Variants in ERC1 observed in about 807,000 individuals in gnomAD.
The protein encoded by ERC1 is RAB6 interacting protein 2.
Under a neutral mutation model 132.0 loss-of-function variants are expected in ERC1, and 56 were observed. The ratio of observed to expected loss-of-function variants is 0.42; its 90% CI spans 0.34 to 0.53. The LOEUF is 0.53. Ranked by LOEUF, ERC1 falls within the 20% of genes least tolerant of loss-of-function variation. The pLI is 0.03. For synonymous variants in ERC1, 478 were observed against 476.1 expected, an observed-to-expected ratio of 1.00 and a Z score of -0.05; for missense variants, 1,202 against 1,349.9, an observed-to-expected ratio of 0.89 and a Z score of 1.72.
intron 16 of ERC1, among the ~76,000 whole-genome samples, chr12:1,399,866 G>T (rs1193122573): frequency 6.6e-6 from 1 of 152,052 alleles, no homozygotes; most frequent in Non-Finnish European, 1.5e-5. Context: ...GTGCTTTTTT[G>T]CATGGAAACA....
chr12:1,464,928 AATATTT>A (rs1380478023), intron 18 of ERC1, among the ~76,000 whole-genome samples: 2 of 152,078 alleles, frequency 1.3e-5, no homozygotes, highest in African/African-American at 4.8e-5. Context: ...ATTTTATAAA[AATATTT>A]TATAAAAAGC....
chr12:1,062,984 G>C lies in ERC1; in HGVS notation c.670-20180G>C, dbSNP rs150717850. ...CCTTTTTATGTTTTTTGACTTGAAA[G>C]TCTATTTTGTTTGATATAAATATAG... is the stretch of plus-strand genomic sequence containing the variant. On this transcript the variant is annotated intron_variant, in intron 2 of 18. Coordinates refer to ENST00000360905, the MANE Select transcript of ERC1 (RefSeq NM_178040.4). 5.4e-3 allele frequency among the ~76,000 whole-genome samples: 820 copies of C among 152,230 alleles called. 10 individuals are homozygous for C. The highest frequency in any genetic ancestry group is 0.019 in the African/African-American group (793 of 41,540).
At chr12:1,010,473 C>G (rs1223177909) in intron 1 of ERC1, among the ~76,000 whole-genome samples, 1 of 133,936 alleles carries the variant, frequency 7.5e-6, no homozygotes, top group Non-Finnish European at 1.6e-5. Flanking sequence ...GAGGAAGACT[C>G]TGTCTCCAAA....
intron 15 of ERC1, among the ~76,000 whole-genome samples, chr12:1,350,733 G>A (rs1255194328): frequency 1.3e-5 from 2 of 152,156 alleles, no homozygotes; most frequent in African/African-American, 2.4e-5. Flanking sequence ...AAGAATATCT[G>A]CGCCTGGATA....
chr12:1,271,975 T>C (rs912072407), intron 14 of ERC1, among the ~76,000 whole-genome samples: 2 of 152,096 alleles, frequency 1.3e-5, no homozygotes, highest in Non-Finnish European at 2.9e-5. Flanking sequence ...GTACAGAAAT[T>C]TTTACACTGT....
At chr12:1,372,714 C>T (rs145762775) in intron 16 of ERC1, among the ~76,000 whole-genome samples, 17 of 152,328 alleles carry the variant, frequency 1.1e-4, no homozygotes, top group African/African-American at 3.1e-4. Flanking sequence ...GCGCAGCATC[C>T]GCGTCCCAGC....
At chr12:1,002,519 A>G (rs1404049272) in intron 1 of ERC1, among the ~76,000 whole-genome samples, 1 of 151,934 alleles carries the variant, frequency 6.6e-6, no homozygotes, top group East Asian at 1.9e-4. Context: ...ATGTGTATGT[A>G]ATTCTTTTGT....
Position 1,231,604 on chromosome 12 carries a change from C to T in ERC1, c.2352-5165C>T, listed in dbSNP as rs115940045. Reference sequence around the variant, plus strand: ...CATTTCTTATAAGGCAGGTCTAGTGCGATGAACTCTGTCAGCTTTTGTTTG... The same window carrying T: ...CATTTCTTATAAGGCAGGTCTAGTGTGATGAACTCTGTCAGCTTTTGTTTG... On this transcript the variant is annotated intron_variant, in intron 12 of 18. Transcript: ENST00000360905. Among the ~76,000 whole-genome samples, 256 of 151,690 alleles carry T rather than the reference C, an allele frequency of 1.7e-3. 1 individual carries two copies. The highest frequency in any genetic ancestry group is 4.7e-3 in the Admixed American group (71 of 15,242).
intron 2 of ERC1, among the ~76,000 whole-genome samples, chr12:1,053,938 G>A (rs1972482444): frequency 6.6e-6 from 1 of 152,152 alleles, no homozygotes; most frequent in South Asian, 2.1e-4. Flanking sequence ...ATGAGAGTGT[G>A]ATCTTTAAGC....
At chr12:1,101,407 G>A (rs1156900618) in intron 3 of ERC1, among the ~76,000 whole-genome samples, 2 of 152,184 alleles carry the variant, frequency 1.3e-5, no homozygotes, top group Admixed American at 6.5e-5. Flanking sequence ...CACTGACACT[G>A]CTCACCACCA....
At chr12:1,257,689 T>G (rs1241734422) in intron 13 of ERC1, among the ~76,000 whole-genome samples, 3 of 152,204 alleles carry the variant, frequency 2.0e-5, no homozygotes, top group Non-Finnish European at 4.4e-5. Context: ...TAAAACATGA[T>G]GTGTCATATA....
chr12:1,198,530 T>C (rs1010887636), intron 12 of ERC1, among the ~76,000 whole-genome samples: 1 of 152,238 alleles, frequency 6.6e-6, no homozygotes, highest in Non-Finnish European at 1.5e-5. Context: ...AACTTTGTTT[T>C]TCTATTTTGT....
At chr12:1,327,472 T>C (rs73036649) in intron 15 of ERC1, among the ~76,000 whole-genome samples, 5,269 of 152,332 alleles carry the variant, frequency 0.035, 98 homozygotes, top group Middle Eastern at 0.075. Flanking sequence ...CTTCACGTTG[T>C]CTGCACATGA....
intron 16 of ERC1, among the ~76,000 whole-genome samples, chr12:1,373,786 AAAG>A (rs1199787096): frequency 8.3e-6 from 1 of 119,794 alleles, no homozygotes; most frequent in African/African-American, 4.1e-5. Context: ...CTCAAAAGAA[AAAG>A]AAGAAAAGAA....
chr12:1,147,517 A>G (rs188736620), intron 8 of ERC1, among the ~76,000 whole-genome samples: 8 of 152,264 alleles, frequency 5.3e-5, no homozygotes, highest in Non-Finnish European at 4.4e-5. Context: ...TGCTTCTCAT[A>G]CATTTACTTC....
chr12:1,277,476 A>G (rs1698126506), intron 14 of ERC1, among the ~76,000 whole-genome samples: 2 of 152,198 alleles, frequency 1.3e-5, no homozygotes, highest in Admixed American at 6.5e-5. Flanking sequence ...CATTTCATAT[A>G]GTGCTGTAAT....
intron 16 of ERC1, among the ~76,000 whole-genome samples, chr12:1,404,462 G>A (rs1436943983): frequency 6.6e-6 from 1 of 150,876 alleles, no homozygotes; most frequent in African/African-American, 2.4e-5. Context: ...ATCGATAGTT[G>A]GTCTCACAAG....
At chr12:1,394,125 GCACA>G (rs2090286506) in intron 16 of ERC1, among the ~76,000 whole-genome samples, 1 of 151,456 alleles carries the variant, frequency 6.6e-6, no homozygotes, top group Non-Finnish European at 1.5e-5. Context: ...TTTAGGCCGG[GCACA>G]GTGGCTCACA....
chr12:1,279,286 A>G (rs1285637407), intron 14 of ERC1, among the ~76,000 whole-genome samples: 1 of 152,240 alleles, frequency 6.6e-6, no homozygotes, highest in African/African-American at 2.4e-5. Flanking sequence ...TGAAGCCCCC[A>G]GGAAATAACC....
Sources: gnomAD v4.1 joint callset for allele counts (sites outside exome capture counted in the v4.1 genomes callset) on GRCh38, gnomAD v4.1.1 for gene constraint, MANE v1.5 for transcripts, NCBI Gene and HGNC (gene_info 2026-07-23, HGNC 2026-07-21) for gene names.